Variants in CPED1 observed in about 807,000 individuals in gnomAD.
CPED1 encodes the protein cadherin like and PC-esterase domain containing 1.
A neutral mutation model predicts 128.2 loss-of-function variants in CPED1; 114 were observed. The observed-to-expected ratio is 0.89, with a 90% CI of 0.76 to 1.04. The LOEUF is 1.04. Among genes scored for constraint, CPED1 ranks in the 50% least tolerant of loss-of-function variants. The pLI, the probability that CPED1 is intolerant of heterozygous loss-of-function variation, is 0.00. For missense variants in CPED1, 1,211 were observed against 1,207.1 expected (o/e 1.00, Z -0.05); for synonymous variants, 462 against 426.7 (o/e 1.08, Z -1.02).
chr7:121,221,239 T>A (rs1248891008), intron 16 of CPED1, among the ~76,000 whole-genome samples: 1 of 152,162 alleles, frequency 6.6e-6, no homozygotes, highest in Non-Finnish European at 1.5e-5. Context: ...TTGTGATAGT[T>A]TACTCAGAAT....
chr7:121,231,373 T>C (rs1290173177), intron 16 of CPED1, among the ~76,000 whole-genome samples: 1 of 152,106 alleles, frequency 6.6e-6, no homozygotes, highest in Non-Finnish European at 1.5e-5. Context: ...TGGGTTCTAA[T>C]TTTTTATGAA....
chr7:121,256,330 T>C (rs931029521), intron 18 of CPED1, among the ~76,000 whole-genome samples: 1 of 151,870 alleles, frequency 6.6e-6, no homozygotes, highest in African/African-American at 2.4e-5. Flanking sequence ...CAAGCAATGG[T>C]GAAAGGCTCT....
chr7:121,107,291 A>G (rs1234422353), intron 7 of CPED1, among the ~76,000 whole-genome samples: 1 of 152,138 alleles, frequency 6.6e-6, no homozygotes, highest in Non-Finnish European at 1.5e-5. Flanking sequence ...CACTGTGGTA[A>G]TGTTAAATAT....
intron 16 of CPED1, among the ~76,000 whole-genome samples, chr7:121,147,789 AG>A (rs1199443441): frequency 6.6e-6 from 1 of 152,142 alleles, no homozygotes; most frequent in African/African-American, 2.4e-5. Flanking sequence ...ATACTAAGGA[AG>A]GGGAAAATAG....
At position 121,136,095 on chromosome 7, in the gene CPED1, G is replaced by A; in HGVS notation, c.1699+5G>A. Reference sequence around the variant, plus strand: ...AAGAAATACATTGCAGTGATGGTGAGTTGAGATTAAAGTGTTGTAGCAGCA... The same window carrying A: ...AAGAAATACATTGCAGTGATGGTGAATTGAGATTAAAGTGTTGTAGCAGCA... On this transcript the variant is annotated splice_donor_5th_base_variant and intron_variant, in intron 14 of 22. Transcript: ENST00000310396. 6.5e-7 allele frequency: 1 copy of A among 1,548,280 alleles called. No individual in the cohort carries two copies. The highest frequency in any genetic ancestry group is 1.3e-5 in the South Asian group (1 of 77,902).
chr7:121,165,061 G>A (rs1796492638), intron 16 of CPED1, among the ~76,000 whole-genome samples: 1 of 151,900 alleles, frequency 6.6e-6, no homozygotes, highest in Admixed American at 6.6e-5. Flanking sequence ...TCTTACATTT[G>A]TGTATTTCAA....
rs758136467 is a variant in CPED1 at position 121,140,997 on chromosome 7, G to C, written c.1870G>C (p.Glu624Gln). ...PKCLCKVHLYEQAGPSFASYP... is the reference protein window; with the variant it reads ...PKCLCKVHLYQQAGPSFASYP... ...GTGTCTGTGCAAGGTGCACCTGTACGAGCAGGCAGGGCCAAGGTATGAGAT... is the reference window on the plus strand; with the variant it reads ...GTGTCTGTGCAAGGTGCACCTGTACCAGCAGGCAGGGCCAAGGTATGAGAT... Residue 624 changes from glutamate (E) to glutamine (Q), a missense_variant, in exon 15 of 23, where the codon GAG becomes CAG. Glu to Gln is a conservative substitution (Grantham distance 29, BLOSUM62 2). Coordinates refer to ENST00000310396, the MANE Select transcript of CPED1 (RefSeq NM_024913.5). The C allele has an allele frequency of 6.2e-7, 1 of 1,610,310 alleles. No homozygotes were observed. The highest frequency in any genetic ancestry group is 1.3e-5 in the African/African-American group (1 of 74,706).
chr7:121,239,428 A>G (rs1798336758), intron 17 of CPED1, among the ~76,000 whole-genome samples: 1 of 152,178 alleles, frequency 6.6e-6, no homozygotes, highest in Admixed American at 6.5e-5. Flanking sequence ...TGCTTAAGAA[A>G]GAAAAAATAA....
intron 16 of CPED1, among the ~76,000 whole-genome samples, chr7:121,152,424 G>C (rs1236784471): frequency 6.6e-6 from 1 of 152,212 alleles, no homozygotes; most frequent in Admixed American, 6.5e-5. Flanking sequence ...TTTTCTTTGA[G>C]TGAAATAATC....
chr7:121,240,380 AG>A (rs1798362179), intron 17 of CPED1, among the ~76,000 whole-genome samples: 1 of 152,206 alleles, frequency 6.6e-6, no homozygotes, highest in African/African-American at 2.4e-5. Flanking sequence ...TGATGAAAAC[AG>A]CCTTTCAAAA....
rs571358545 is a variant in CPED1 at position 121,240,796 on chromosome 7, G to C, written c.2174-3406G>C. Among the ~76,000 whole-genome samples, 372 of 145,826 alleles carry C rather than the reference G, an allele frequency of 2.6e-3. 2 individuals are homozygous for C. Among genetic ancestry groups the C allele is most frequent in the African/African-American group, 9.3e-3 (355 of 38,326 alleles). On this transcript the variant is annotated intron_variant, in intron 17 of 22. Transcript: ENST00000310396. ...AAAAAAAAAAGTGACGGGGAAGGGA[G>C]GGAGAAAGGACACACTCTAAGGCCT...
chr7:121,277,493 T>C (rs1342692544), intron 22 of CPED1, among the ~76,000 whole-genome samples: 1 of 152,130 alleles, frequency 6.6e-6, no homozygotes, highest in East Asian at 1.9e-4. Context: ...AGAGTTTTGG[T>C]AGAGGTGCAA....
At chr7:121,012,424 A>G (rs938111006) in intron 2 of CPED1, among the ~76,000 whole-genome samples, 2 of 152,188 alleles carry the variant, frequency 1.3e-5, no homozygotes, top group Non-Finnish European at 2.9e-5. Context: ...GTGTTGTGTC[A>G]AGTGAAGTTG....
At chr7:121,136,836 G>C (rs1238973900) in intron 14 of CPED1, among the ~76,000 whole-genome samples, 1 of 152,004 alleles carries the variant, frequency 6.6e-6, no homozygotes, top group African/African-American at 2.4e-5. Flanking sequence ...CCAGGAGTTT[G>C]AGGTTACAGT....
intron 16 of CPED1, among the ~76,000 whole-genome samples, chr7:121,197,539 G>C (rs1797297701): frequency 6.6e-6 from 1 of 152,078 alleles, no homozygotes; most frequent in Admixed American, 6.6e-5. Flanking sequence ...GGGAGGTTAA[G>C]TAATGCCCCA....
chr7:121,051,233 G>T, intron 4 of CPED1: 1 of 477,500 alleles, frequency 2.1e-6, no homozygotes, highest in East Asian at 5.9e-5. Context: ...CTTACCAGCA[G>T]TCCCTGACTC....
At chr7:121,108,507 A>G in intron 7 of CPED1, among the ~76,000 whole-genome samples, 1 of 152,132 alleles carries the variant, frequency 6.6e-6, no homozygotes, top group East Asian at 1.9e-4. Context: ...AAAATATAAT[A>G]ATCTTAATTT....
intron 16 of CPED1, among the ~76,000 whole-genome samples, chr7:121,152,054 C>CT (rs749400767): frequency 1.3e-5 from 2 of 152,126 alleles, no homozygotes; most frequent in Non-Finnish European, 2.9e-5. Flanking sequence ...CTAATTTGTC[C>CT]TTTTTTTCTT....
chr7:121,030,126 C>T (rs1792692053), intron 3 of CPED1, among the ~76,000 whole-genome samples: 1 of 151,996 alleles, frequency 6.6e-6, no homozygotes. Context: ...TTCCAGGAAT[C>T]TTTTTAAGCA....
Sources: gnomAD v4.1 joint callset for allele counts (sites outside exome capture counted in the v4.1 genomes callset) on GRCh38, gnomAD v4.1.1 for gene constraint, MANE v1.5 for transcripts, NCBI Gene and HGNC (gene_info 2026-07-23, HGNC 2026-07-21) for gene names.